The following AHRR variants were observed in gnomAD, a reference collection of about 807,000 sequenced individuals.
The protein encoded by AHRR is aryl hydrocarbon receptor repressor.
Under a neutral mutation model 44.0 loss-of-function variants are expected in AHRR, and 28 were observed. The observed-to-expected ratio is 0.64, with a 90% CI of 0.47 to 0.87. The LOEUF is 0.87. AHRR is among the 40% of genes least tolerant of loss of function. AHRR has a pLI of 0.00. For missense variants in AHRR, 990 were observed against 953.9 expected, an observed-to-expected ratio of 1.04 and a Z score of -0.50; for synonymous variants, 434 against 407.0, an observed-to-expected ratio of 1.07 and a Z score of -0.80.
At position 367,878 on chromosome 5, in the gene AHRR, C is replaced by T. The variant is rs1218435125; in HGVS notation, c.245-8732C>T. The T allele has an allele frequency of 8.5e-6, 6 of 702,430 alleles. No individual in the cohort carries two copies. In the Admixed American group the frequency reaches 1.0e-4, roughly 12 times the overall value. The allele number at this position is 702,430 out of a possible 1,614,324, so 43.5% of individuals were successfully genotyped here. ...CGGGCGAACGAAGGCCCATGTCGTT[C>T]AGGAGGCCCCGAGCATTGGACACCC... is the stretch of plus-strand genomic sequence containing the variant. On this transcript the variant is annotated intron_variant, in intron 3 of 10. Coordinates refer to ENST00000684583, the MANE Select transcript of AHRR (RefSeq NM_001377236.1).
At position 437,277 on chromosome 5, in the gene AHRR, C is replaced by G. The variant is rs527387475; in HGVS notation, c.*2443C>G. 3 of 152,482 alleles carry G rather than the reference C, an allele frequency of 2.0e-5. No homozygotes were observed. The highest frequency in any genetic ancestry group is 2.9e-5 in the Non-Finnish European group (2 of 68,044). The allele number at this position is 152,482 out of a possible 1,614,324, so 9.4% of individuals were successfully genotyped here. ...TCTTGGAGTTCCCTGTTCTGAGGGC[C>G]AGCCACGTCCTGTGTCCTGGAGCTT... On this transcript the variant is annotated 3_prime_UTR_variant, in exon 11 of 11. Coordinates refer to ENST00000684583, the MANE Select transcript of AHRR (RefSeq NM_001377236.1).
At chr5:353,582 A>G (rs143349120) in intron 2 of AHRR, 148 bp from the exon 3 acceptor site, 2 of 683,722 alleles carry the variant, frequency 2.9e-6, no homozygotes, top group East Asian at 5.5e-5. Context: ...GTCTTGAGGC[A>G]TGGGTGAGCT....
intron 3 of AHRR, chr5:368,139 C>T: frequency 1.7e-6 from 1 of 594,574 alleles, no homozygotes; most frequent in Non-Finnish European, 3.0e-6. Flanking sequence ...GCTGGCACTC[C>T]TCGTTGATGT....
chr5:414,181 T>C (rs1735603970), intron 5 of AHRR, among the ~76,000 whole-genome samples: 1 of 152,058 alleles, frequency 6.6e-6, no homozygotes, highest in Non-Finnish European at 1.5e-5. Flanking sequence ...GAGAATAGCG[T>C]GAACCTGGGA....
At position 387,840 on chromosome 5, in the gene AHRR, C is replaced by T. The variant is rs939438907; in HGVS notation, c.351+11124C>T. ...CTCGAACAACAGGGGTTATTCTTCA[C>T]AGCCTGGAGGCCAGGAGCCAAAACC... On this transcript the variant is annotated intron_variant, in intron 4 of 10. Transcript: ENST00000684583. This position sits in a 1 kb window ranked among gnomAD's most constrained non-coding sequence, Gnocchi z 5.1. Among the ~76,000 whole-genome samples the T allele has an allele frequency of 3.3e-5, 5 of 152,240 alleles. No homozygotes were observed. The highest frequency in any genetic ancestry group is 7.3e-5 in the Non-Finnish European group (5 of 68,038).
intron 4 of AHRR, among the ~76,000 whole-genome samples, chr5:412,348 A>C (rs1278348651): frequency 7.2e-5 from 11 of 152,186 alleles, no homozygotes; most frequent in Admixed American, 7.2e-4. Context: ...CATCTCCACA[A>C]AATGTGCCCG....
chr5:355,318 A>G (rs940716750), intron 3 of AHRR, among the ~76,000 whole-genome samples: 1 of 151,928 alleles, frequency 6.6e-6, no homozygotes, highest in Non-Finnish European at 1.5e-5. Context: ...GGGCACCAGC[A>G]TGGAATTGAG....
At position 437,117 on chromosome 5, in the gene AHRR, G is replaced by C. The variant is rs1386108083; in HGVS notation, c.*2283G>C. The C allele has an allele frequency of 6.6e-6, 1 of 152,430 alleles. No homozygotes were observed. Among genetic ancestry groups the C allele is most frequent in the African/African-American group, 2.4e-5 (1 of 41,466 alleles). 9.4% of individuals were successfully genotyped at this position (152,430 alleles called of 1,614,324 possible). A position where few individuals can be genotyped will look rare whatever the true frequency, so the allele number is the denominator to read the frequency against. On this transcript the variant is annotated 3_prime_UTR_variant, in exon 11 of 11. Transcript: ENST00000684583. ...TAATCCCAGCACTTTAGGAGGTCAAGGTAGGAGGATCGCTTAAGCCCAGGA... is the reference window on the plus strand; with the variant it reads ...TAATCCCAGCACTTTAGGAGGTCAACGTAGGAGGATCGCTTAAGCCCAGGA...
chr5:431,673 TC>T (rs1736738668), intron 8 of AHRR, among the ~76,000 whole-genome samples: 1 of 152,100 alleles, frequency 6.6e-6, no homozygotes, highest in African/African-American at 2.4e-5. Flanking sequence ...CCACAGCTTT[TC>T]CCACAGGGGT....
In AHRR at chr5:399,463, C is replaced by T. The variant is rs564996532; in HGVS notation, c.352-13881C>T. On this transcript the variant is annotated intron_variant, in intron 4 of 10. Transcript: ENST00000684583. Reference sequence around the variant, plus strand: ...TCTAGAAAATGACATCAACTTTAGACGTCAGATTGCCTGTCCAGCACAGCC... The same window carrying T: ...TCTAGAAAATGACATCAACTTTAGATGTCAGATTGCCTGTCCAGCACAGCC... Among the ~76,000 whole-genome samples the T allele has an allele frequency of 3.3e-5, 5 of 152,368 alleles. No homozygotes were observed. In the East Asian group the frequency reaches 5.8e-4, roughly 18 times the overall value.
rs78311231 is a variant in AHRR, at chr5:423,827, C to T, written c.572-14C>T. 1.0e-3 allele frequency: 1,644 copies of T among 1,592,166 alleles called. 21 individuals carry two copies. In the African/African-American group the frequency reaches 0.019, roughly 19 times the overall value. ...TCTCCCACCGCCACGCCCCTTGGCC[C>T]CTATGGTCTGCAGGAGATGATGCTA... On this transcript the variant is annotated splice_polypyrimidine_tract_variant and intron_variant, in intron 6 of 10. Coordinates refer to ENST00000684583, the MANE Select transcript of AHRR (RefSeq NM_001377236.1).
chr5:424,015 C>G (rs764480098), intron 7 of AHRR, 38 bp downstream of exon 7: 36 of 1,581,322 alleles, frequency 2.3e-5, no homozygotes, highest in Middle Eastern at 1.7e-4. Flanking sequence ...CTCCCGACAT[C>G]TGGGATGCAT....
At position 422,792 on chromosome 5, in the gene AHRR, C is replaced by T. The variant is rs778035613; in HGVS notation, c.505C>T (p.Arg169Trp). 5.6e-6 allele frequency: 9 copies of T among 1,614,008 alleles called. No individual in the cohort carries two copies. The African/African-American group carries it at 9.3e-5, about 17-fold the overall frequency. Residue 169 changes from arginine to tryptophan, a missense_variant, in exon 6 of 11, where the codon CGG becomes TGG. By Grantham distance (101) the Arg-to-Trp change is moderately radical. Coordinates refer to ENST00000684583, the MANE Select transcript of AHRR (RefSeq NM_001377236.1). ...IHVDDRQDFC[R>W]QLHWAMDPPQ... ...CGTGGACGACCGCCAGGACTTCTGCCGGCAGCTCCACTGGGCCATGGACCC... is the reference window on the plus strand; with the variant it reads ...CGTGGACGACCGCCAGGACTTCTGCTGGCAGCTCCACTGGGCCATGGACCC...
chr5:422,439 C>T (rs1423333970), intron 5 of AHRR: 2 of 441,670 alleles, frequency 4.5e-6, no homozygotes, highest in South Asian at 2.1e-5. Flanking sequence ...CCCAGAGTGT[C>T]TGCGGCCCAG....
At chr5:418,106 A>G (rs1268446615) in intron 5 of AHRR, among the ~76,000 whole-genome samples, 1 of 152,254 alleles carries the variant, frequency 6.6e-6, no homozygotes, top group Non-Finnish European at 1.5e-5. Flanking sequence ...CTTTTGCACA[A>G]AAAGGTAAAA....
chr5:356,538 G>C (rs1409789422), intron 3 of AHRR, among the ~76,000 whole-genome samples: 69 of 78,674 alleles, frequency 8.8e-4, no homozygotes, highest in Middle Eastern at 7.2e-3. Context: ...AGAGCGCCCG[G>C]GAGTGGAGGC....
At chr5:402,019 A>G (rs1049030510) in intron 4 of AHRR, among the ~76,000 whole-genome samples, 14 of 152,212 alleles carry the variant, frequency 9.2e-5, no homozygotes, top group African/African-American at 3.1e-4. Flanking sequence ...GAGGCAGCCT[A>G]TGGAATGGGA....
intron 2 of AHRR, among the ~76,000 whole-genome samples, chr5:348,574 TG>T (rs1742756104): frequency 6.6e-6 from 1 of 152,200 alleles, no homozygotes; most frequent in African/African-American, 2.4e-5. Context: ...TCACTGCAGA[TG>T]GTTTGCTTGT....
At chr5:360,187 AC>A (rs1487755968) in intron 3 of AHRR, among the ~76,000 whole-genome samples, 5 of 151,952 alleles carry the variant, frequency 3.3e-5, no homozygotes, top group African/African-American at 1.2e-4. Flanking sequence ...ACCCAAAAGA[AC>A]CCTCTGTCCC....
Sources: gnomAD v4.1 joint callset for allele counts (sites outside exome capture counted in the v4.1 genomes callset) on GRCh38, gnomAD v4.1.1 for gene constraint, Gnocchi (gnomAD v3.1) non-coding constraint, MANE v1.5 for transcripts, NCBI Gene and HGNC (gene_info 2026-07-23, HGNC 2026-07-21) for gene names.